The following ASAP1 variants were observed in gnomAD, a reference collection of about 807,000 sequenced individuals.
ASAP1 encodes the protein ArfGAP with SH3 domain, ankyrin repeat and PH domain 1.
A neutral mutation model predicts 145.2 loss-of-function variants in ASAP1; 43 were observed. That is an observed-to-expected ratio of 0.30 (90% CI 0.23 to 0.38). ASAP1 has a LOEUF of 0.38. Among genes scored for constraint, ASAP1 ranks in the 10% least tolerant of loss-of-function variants. ASAP1 has a pLI of 1.00. For synonymous variants in ASAP1, 546 were observed against 515.5 expected (o/e 1.06, Z -0.80); for missense variants, 1,018 against 1,355.3 (o/e 0.75, Z 3.91).
At chr8:130,194,959 A>G (rs1447908813) in intron 5 of ASAP1, among the ~76,000 whole-genome samples, 2 of 152,228 alleles carry the variant, frequency 1.3e-5, no homozygotes, top group African/African-American at 4.8e-5. Context: ...CAGCCGACAT[A>G]ATACAATAAC....
At chr8:130,389,086 C>A (rs1006388296) in intron 2 of ASAP1, among the ~76,000 whole-genome samples, 1 of 152,184 alleles carries the variant, frequency 6.6e-6, no homozygotes, top group Non-Finnish European at 1.5e-5. Context: ...GCCTGGCTCA[C>A]GTTAAATGCT....
At chr8:130,143,708 GA>G (rs1161809336) in intron 13 of ASAP1, among the ~76,000 whole-genome samples, 1 of 152,202 alleles carries the variant, frequency 6.6e-6, no homozygotes, top group African/African-American at 2.4e-5. Flanking sequence ...GAAACAGAAT[GA>G]GTCAATCCCA....
At chr8:130,221,227 T>C (rs956460144) in intron 4 of ASAP1, among the ~76,000 whole-genome samples, 1 of 150,386 alleles carries the variant, frequency 6.6e-6, no homozygotes, top group African/African-American at 2.5e-5. Context: ...GAGTGAGACC[T>C]TGAACAAAGA....
At chr8:130,071,002 G>A (rs1344162531) in intron 27 of ASAP1, among the ~76,000 whole-genome samples, 3 of 30,798 alleles carry the variant, frequency 9.7e-5, no homozygotes, top group African/African-American at 2.5e-4. Flanking sequence ...AGAGAGAGAG[G>A]GGAGGGGGGG....
chr8:130,181,571 G>T (rs1279070464), intron 7 of ASAP1, among the ~76,000 whole-genome samples: 1 of 152,070 alleles, frequency 6.6e-6, no homozygotes, highest in Admixed American at 6.6e-5. Flanking sequence ...CACATTCCAA[G>T]AATACATTTT....
At chr8:130,416,259 C>A (rs1379256694) in intron 1 of ASAP1, among the ~76,000 whole-genome samples, 1 of 152,140 alleles carries the variant, frequency 6.6e-6, no homozygotes, top group East Asian at 1.9e-4. Context: ...CCCAAGCAGG[C>A]AAAAGAGCAT....
chr8:130,166,388 T>A (rs1300017425), intron 11 of ASAP1, among the ~76,000 whole-genome samples: 1 of 152,222 alleles, frequency 6.6e-6, no homozygotes. Flanking sequence ...GTTTAATTTA[T>A]CCTTATCATG....
At chr8:130,410,435 C>G (rs560975013) in intron 1 of ASAP1, among the ~76,000 whole-genome samples, 1 of 152,292 alleles carries the variant, frequency 6.6e-6, no homozygotes, top group East Asian at 1.9e-4. Context: ...CAAGTTTATT[C>G]TATACTCGGA....
chr8:130,371,042 A>T (rs2138284658), intron 2 of ASAP1, among the ~76,000 whole-genome samples: 1 of 152,386 alleles, frequency 6.6e-6, no homozygotes, highest in South Asian at 2.1e-4. Context: ...TGCAAATTTT[A>T]TATGAATTAT....
At chr8:130,283,147 A>G (rs1401224044) in intron 3 of ASAP1, among the ~76,000 whole-genome samples, 1 of 152,252 alleles carries the variant, frequency 6.6e-6, no homozygotes, top group Non-Finnish European at 1.5e-5. Flanking sequence ...TGAGCTCTGC[A>G]GTAACTACTG....
At chr8:130,368,323 G>A (rs930909032) in intron 2 of ASAP1, among the ~76,000 whole-genome samples, 6 of 152,032 alleles carry the variant, frequency 3.9e-5, no homozygotes, top group African/African-American at 1.4e-4. Flanking sequence ...CTTTTCTCCC[G>A]ATGTTTGGGT....
intron 18 of ASAP1, chr8:130,118,918 G>A: frequency 4.1e-6 from 1 of 245,090 alleles, no homozygotes; most frequent in East Asian, 7.4e-5. Flanking sequence ...ATAAATCACA[G>A]ATTTCTTTTT....
At chr8:130,190,848 G>A (rs904476731) in intron 5 of ASAP1, among the ~76,000 whole-genome samples, 1 of 152,112 alleles carries the variant, frequency 6.6e-6, no homozygotes, top group Non-Finnish European at 1.5e-5. Flanking sequence ...CATCATGCTG[G>A]TTTGATTACT....
chr8:130,368,696 T>A (rs952153889), intron 2 of ASAP1, among the ~76,000 whole-genome samples: 1 of 152,228 alleles, frequency 6.6e-6, no homozygotes, highest in African/African-American at 2.4e-5. Context: ...TAGTAGGCCT[T>A]CAGCTACTGG....
intron 2 of ASAP1, among the ~76,000 whole-genome samples, chr8:130,367,534 G>A (rs1387310740): frequency 6.6e-6 from 1 of 152,148 alleles, no homozygotes; most frequent in Non-Finnish European, 1.5e-5. Context: ...TTTGTGACAT[G>A]GAATGCCAGG....
chr8:130,175,768 C>T (rs1813907726), intron 9 of ASAP1, among the ~76,000 whole-genome samples: 1 of 152,166 alleles, frequency 6.6e-6, no homozygotes, highest in Admixed American at 6.5e-5. Context: ...GAGCAAAATA[C>T]TGATCCTTTC....
chr8:130,393,512 T>C (rs1828381912), intron 2 of ASAP1, among the ~76,000 whole-genome samples: 1 of 152,190 alleles, frequency 6.6e-6, no homozygotes, highest in South Asian at 2.1e-4. Flanking sequence ...TCCCAGCACT[T>C]TGGGAGGCCA....
At chr8:130,117,432 T>G (rs1346736053) in intron 20 of ASAP1, among the ~76,000 whole-genome samples, 3 of 152,226 alleles carry the variant, frequency 2.0e-5, no homozygotes, top group African/African-American at 7.2e-5. Flanking sequence ...ATATTGTCTC[T>G]GAGGAAGAAA....
chr8:130,254,828 T>C (rs755381207), intron 3 of ASAP1, among the ~76,000 whole-genome samples: 22 of 151,910 alleles, frequency 1.4e-4, no homozygotes, highest in Non-Finnish European at 2.9e-4. Context: ...AATGAGTTTT[T>C]CTTAAGTAGC....
Sources: gnomAD v4.1 joint callset for allele counts (sites outside exome capture counted in the v4.1 genomes callset) on GRCh38, gnomAD v4.1.1 for gene constraint, MANE v1.5 for transcripts, NCBI Gene and HGNC (gene_info 2026-07-23, HGNC 2026-07-21) for gene names.